MACROD2: variants seen among roughly 807,000 people sequenced by gnomAD.
The protein encoded by MACROD2 is mono-ADP ribosylhydrolase 2.
MACROD2 carries 36 observed loss-of-function variants against 70.4 expected under a neutral mutation model. That is an observed-to-expected ratio of 0.51 (90% CI 0.39 to 0.68). The LOEUF (loss-of-function observed/expected upper bound fraction) is 0.68. MACROD2 is among the 30% of genes least tolerant of loss of function. The probability of loss-of-function intolerance (pLI) is 0.00; values close to 1 mark genes in which losing one functional copy is unlikely to be tolerated. For missense variants in MACROD2, 496 were observed against 538.4 expected, an observed-to-expected ratio of 0.92 and a Z score of 0.78; for synonymous variants, 172 against 178.8, an observed-to-expected ratio of 0.96 and a Z score of 0.30.
intron 15 of MACROD2, among the ~76,000 whole-genome samples, chr20:16,035,092 A>G (rs1406216873): frequency 2.6e-5 from 1 of 38,076 alleles, no homozygotes; most frequent in Non-Finnish European, 7.8e-5. Flanking sequence ...TGTAATATAA[A>G]ATATTATATA....
At chr20:14,981,931 T>G (rs1205591190) in intron 5 of MACROD2, among the ~76,000 whole-genome samples, 1 of 152,096 alleles carries the variant, frequency 6.6e-6, no homozygotes, top group Non-Finnish European at 1.5e-5. Flanking sequence ...TTGGAACAGT[T>G]TAGAGAGCTC....
At chr20:15,816,992 AT>A (rs1283831216) in intron 8 of MACROD2, among the ~76,000 whole-genome samples, 2 of 152,162 alleles carry the variant, frequency 1.3e-5, no homozygotes, top group Non-Finnish European at 2.9e-5. Flanking sequence ...AAAAAAAACG[AT>A]GCTCGTTACC....
At chr20:14,526,331 A>G (rs1184674750) in intron 4 of MACROD2, among the ~76,000 whole-genome samples, 1 of 151,904 alleles carries the variant, frequency 6.6e-6, no homozygotes, top group Non-Finnish European at 1.5e-5. Context: ...TTATTTCTCA[A>G]TTAAAACAGG....
intron 6 of MACROD2, among the ~76,000 whole-genome samples, chr20:15,291,461 A>T (rs1699849855): frequency 2.0e-5 from 3 of 152,240 alleles, no homozygotes; most frequent in Non-Finnish European, 2.9e-5. Flanking sequence ...AAAGTATTTT[A>T]AATTGAAAAG....
intron 8 of MACROD2, among the ~76,000 whole-genome samples, chr20:15,625,035 T>C (rs1433351864): frequency 6.6e-6 from 1 of 152,140 alleles, no homozygotes; most frequent in African/African-American, 2.4e-5. Context: ...TATGTAGCAG[T>C]TTGTGAGGGA....
intron 5 of MACROD2, among the ~76,000 whole-genome samples, chr20:14,836,682 C>T (rs146514806): frequency 1.2e-3 from 181 of 152,176 alleles, no homozygotes; most frequent in African/African-American, 3.8e-3. Context: ...CTTCCCCTTG[C>T]TCCCATCTTG....
chr20:15,046,935 A>C (rs1454449080), intron 5 of MACROD2, among the ~76,000 whole-genome samples: 1 of 152,188 alleles, frequency 6.6e-6, no homozygotes, highest in Non-Finnish European at 1.5e-5. Flanking sequence ...CTATACTTCA[A>C]TTACTTGCAT....
chr20:14,229,023 T>G (rs2081774591), intron 3 of MACROD2, among the ~76,000 whole-genome samples: 1 of 151,394 alleles, frequency 6.6e-6, no homozygotes, highest in Non-Finnish European at 1.5e-5. Flanking sequence ...AAAAAGACAT[T>G]AAATGCAAAG....
chr20:15,844,624 G>GTTGTACTATTTATT (rs2064209798), intron 8 of MACROD2, among the ~76,000 whole-genome samples: 1 of 152,118 alleles, frequency 6.6e-6, no homozygotes, highest in South Asian at 2.1e-4. Context: ...TACTATTTAT[G>GTTGTACTATTTATT]AAGGGTCTTA....
intron 8 of MACROD2, among the ~76,000 whole-genome samples, chr20:15,513,105 C>T (rs1392112913): frequency 6.6e-6 from 1 of 152,174 alleles, no homozygotes. Flanking sequence ...GATTAATTTG[C>T]ACTAACTCAT....
chr20:14,857,126 C>A (rs984112002), intron 5 of MACROD2, among the ~76,000 whole-genome samples: 5 of 152,172 alleles, frequency 3.3e-5, no homozygotes, highest in African/African-American at 4.8e-5. Context: ...ATCTCCTCTG[C>A]TCCCCAATCC....
At chr20:15,978,582 GTCTCTC>G (rs59205516) in intron 13 of MACROD2, among the ~76,000 whole-genome samples, 34,047 of 146,292 alleles carry the variant, frequency 0.23, 4,234 homozygotes, top group Non-Finnish European at 0.28. Flanking sequence ...CTGACCTTGG[GTCTCTC>G]TCTCTCTCTC....
At chr20:14,501,607 G>A (rs139229029) in intron 4 of MACROD2, among the ~76,000 whole-genome samples, 2,290 of 151,566 alleles carry the variant, frequency 0.015, 68 homozygotes, top group African/African-American at 0.053. Flanking sequence ...TTTATAATTG[G>A]TATGTATTAT....
intron 5 of MACROD2, among the ~76,000 whole-genome samples, chr20:14,870,474 G>A (rs1304935621): frequency 6.6e-6 from 1 of 152,164 alleles, no homozygotes. Flanking sequence ...TAGCACTGCT[G>A]AGTCAAAGGG....
chr20:15,974,782 A>G (rs1018951033), intron 13 of MACROD2, among the ~76,000 whole-genome samples: 4 of 152,138 alleles, frequency 2.6e-5, no homozygotes, highest in African/African-American at 7.2e-5. Context: ...AAACAATTAC[A>G]GGCTGTTTTT....
At chr20:14,146,569 G>T (rs999773462) in intron 3 of MACROD2, among the ~76,000 whole-genome samples, 3 of 152,150 alleles carry the variant, frequency 2.0e-5, no homozygotes, top group Non-Finnish European at 4.4e-5. Context: ...CCAGTTGCTG[G>T]TGTATGTCAC....
chr20:14,983,786 C>T (rs2074824056), intron 5 of MACROD2, among the ~76,000 whole-genome samples: 1 of 152,110 alleles, frequency 6.6e-6, no homozygotes, highest in Admixed American at 6.5e-5. Flanking sequence ...GTGTGCATGC[C>T]TACACTTGTG....
At chr20:15,069,291 G>A (rs1273558632) in intron 5 of MACROD2, among the ~76,000 whole-genome samples, 1 of 152,178 alleles carries the variant, frequency 6.6e-6, no homozygotes, top group African/African-American at 2.4e-5. Context: ...ACAATTCAAT[G>A]AGAAGCAGAG....
rs540135519 is a variant in MACROD2, at chr20:15,809,110, T to G, written c.646-53635T>G. On this transcript the variant is annotated intron_variant, in intron 8 of 17. Transcript: ENST00000684519. Reference sequence around the variant, plus strand: ...GCCATTTTCTATGTAGCAGTCATCATGATTTTGTTAAAATAATCATATTTT... The same window carrying G: ...GCCATTTTCTATGTAGCAGTCATCAGGATTTTGTTAAAATAATCATATTTT... Among the ~76,000 whole-genome samples the G allele has an allele frequency of 1.4e-4, 22 of 152,346 alleles. No individual in the cohort carries two copies. The East Asian group carries it at 3.7e-3, about 25-fold the overall frequency.
Sources: gnomAD v4.1 joint callset for allele counts (sites outside exome capture counted in the v4.1 genomes callset) on GRCh38, gnomAD v4.1.1 for gene constraint, MANE v1.5 for transcripts, NCBI Gene and HGNC (gene_info 2026-07-23, HGNC 2026-07-21) for gene names.